AFF3: variants seen among roughly 807,000 people sequenced by gnomAD.
The protein encoded by AFF3 is ALF transcription elongation factor 3.
AFF3 carries 32 observed loss-of-function variants against 129.7 expected under a neutral mutation model. That is an observed-to-expected ratio of 0.25 (90% CI 0.19 to 0.33). AFF3 has a LOEUF of 0.33. Among genes scored for constraint, AFF3 ranks in the 10% least tolerant of loss-of-function variants. The pLI is 1.00. For missense variants in AFF3, 1,373 were observed against 1,592.0 expected (o/e 0.86, Z 2.34); for synonymous variants, 644 against 635.4 (o/e 1.01, Z -0.20).
chr2:99,881,480 GA>G (rs1387914512), intron 7 of AFF3, among the ~76,000 whole-genome samples: 1 of 146,412 alleles, frequency 6.8e-6, no homozygotes, highest in African/African-American at 2.5e-5. Flanking sequence ...TTTTTTCATT[GA>G]AAAAAAGCCC....
At chr2:99,870,689 A>C (rs1179687843) in intron 7 of AFF3, among the ~76,000 whole-genome samples, 1 of 152,220 alleles carries the variant, frequency 6.6e-6, no homozygotes, top group Non-Finnish European at 1.5e-5. Context: ...GCACTTTGTA[A>C]CCATCTTGGA....
rs187207267 is a variant in AFF3, at chr2:99,846,022, C to T, written c.874-8498G>A. Among the ~76,000 whole-genome samples the T allele has an allele frequency of 5.5e-3, 831 of 151,682 alleles. 6 individuals are homozygous for T. The highest frequency in any genetic ancestry group is 0.019 in the African/African-American group (801 of 41,294). On this transcript the variant is annotated intron_variant, in intron 7 of 24. Coordinates refer to ENST00000672756, the MANE Select transcript of AFF3 (RefSeq NM_001386135.1). The stretch of plus-strand genomic sequence containing the variant: ...TAATTTTTTGTATTTTTAGTAGAGA[C>T]GGGGTTTCACCACGTTAGCCAGGAT...
intron 12 of AFF3, 83 bp from the exon 13 acceptor site, chr2:99,649,749 C>T (rs1255972236): frequency 2.0e-6 from 3 of 1,498,604 alleles, no homozygotes; most frequent in Non-Finnish European, 1.8e-6. Context: ...AAAAAAAGAC[C>T]CCTGCATTAC....
intron 7 of AFF3, among the ~76,000 whole-genome samples, chr2:99,972,066 C>G (rs1576457544): frequency 6.6e-6 from 1 of 152,206 alleles, no homozygotes; most frequent in African/African-American, 2.4e-5. Context: ...CTAGGGCCAG[C>G]TGACCATCTG....
In AFF3 at chr2:100,005,797, G is replaced by GCAA. The variant is rs542768859; in HGVS notation, c.873+832_873+834dup. Among the ~76,000 whole-genome samples the GCAA allele has an allele frequency of 4.3e-3, 652 of 152,256 alleles. 14 individuals carry two copies. Among genetic ancestry groups the GCAA allele is most frequent in the Non-Finnish European group, 1.1e-3 (78 of 68,012 alleles). On this transcript the variant is annotated intron_variant, in intron 7 of 24. Coordinates refer to ENST00000672756, the MANE Select transcript of AFF3 (RefSeq NM_001386135.1). Reference sequence around the variant, plus strand: ...GTTTAAGCTCAGCCTTGTCAAAAATGCAACAACAAATGTCAAATCATTGCT... The same window carrying GCAA: ...GTTTAAGCTCAGCCTTGTCAAAAATGCAACAACAACAAATGTCAAATCATTGCT...
chr2:99,680,703 G>T (rs938361013), intron 11 of AFF3, among the ~76,000 whole-genome samples: 1 of 152,180 alleles, frequency 6.6e-6, no homozygotes, highest in Non-Finnish European at 1.5e-5. Context: ...ATCTGTAAGG[G>T]TCATAACATA....
At chr2:99,801,472 A>C (rs1034662416) in intron 8 of AFF3, among the ~76,000 whole-genome samples, 2 of 152,208 alleles carry the variant, frequency 1.3e-5, no homozygotes, top group African/African-American at 4.8e-5. Context: ...AGCCAATAGC[A>C]CTACTGATTG....
At chr2:99,910,432 T>C (rs985638450) in intron 7 of AFF3, among the ~76,000 whole-genome samples, 2 of 152,222 alleles carry the variant, frequency 1.3e-5, no homozygotes, top group African/African-American at 4.8e-5. Context: ...AGGATACAAA[T>C]ATGTTCTTCC....
At chr2:99,641,122 C>G (rs930589706) in intron 13 of AFF3, among the ~76,000 whole-genome samples, 1 of 152,184 alleles carries the variant, frequency 6.6e-6, no homozygotes, top group Non-Finnish European at 1.5e-5. Flanking sequence ...CCTGGGTCAC[C>G]CGATGCTTCC....
intron 7 of AFF3, among the ~76,000 whole-genome samples, chr2:99,972,559 C>A (rs1188136313): frequency 6.6e-6 from 1 of 152,204 alleles, no homozygotes; most frequent in African/African-American, 2.4e-5. Flanking sequence ...TTAGTTCATT[C>A]ATTTGACACA....
At chr2:99,615,114 T>C (rs1681286818) in intron 13 of AFF3, among the ~76,000 whole-genome samples, 1 of 152,264 alleles carries the variant, frequency 6.6e-6, no homozygotes, top group African/African-American at 2.4e-5. Context: ...CAGAGCCCTC[T>C]AGCCTGTCCT....
At chr2:99,721,863 CAG>C (rs1678919984) in intron 11 of AFF3, among the ~76,000 whole-genome samples, 1 of 152,078 alleles carries the variant, frequency 6.6e-6, no homozygotes, top group Non-Finnish European at 1.5e-5. Flanking sequence ...GATATTTTTT[CAG>C]GTCTATTTTG....
At chr2:99,994,688 G>T (rs1232715797) in intron 7 of AFF3, among the ~76,000 whole-genome samples, 3 of 152,162 alleles carry the variant, frequency 2.0e-5, no homozygotes, top group African/African-American at 7.2e-5. Flanking sequence ...AAGACAGAAA[G>T]GTATGAAAGA....
At chr2:100,110,666 T>G (rs560398301) in intron 2 of AFF3, among the ~76,000 whole-genome samples, 2 of 152,350 alleles carry the variant, frequency 1.3e-5, no homozygotes, top group South Asian at 4.1e-4. Context: ...CTCAGAGTCC[T>G]GCTGGGGGTC....
chr2:99,973,420 C>T lies in AFF3; in HGVS notation c.873+33212G>A, dbSNP rs370016449. 7.0e-4 allele frequency among the ~76,000 whole-genome samples: 106 copies of T among 152,326 alleles called. No homozygotes were observed. The South Asian group carries it at 0.021, about 30-fold the overall frequency. ...GATAAGCAAGTCGTTCTACTGGCTC[C>T]ACTTTCCCACCACCTAAGTCAATTC... On this transcript the variant is annotated intron_variant, in intron 7 of 24. Transcript: ENST00000672756.
chr2:99,721,026 A>T (rs937316413), intron 11 of AFF3, among the ~76,000 whole-genome samples: 5 of 152,178 alleles, frequency 3.3e-5, no homozygotes, highest in Admixed American at 6.5e-5. Flanking sequence ...TACATTAATT[A>T]AAAAAAGATT....
At chr2:99,811,833 A>G (rs1407281446) in intron 8 of AFF3, among the ~76,000 whole-genome samples, 3 of 152,264 alleles carry the variant, frequency 2.0e-5, no homozygotes, top group African/African-American at 4.8e-5. Context: ...TTATGTCTGC[A>G]TATTTTCTTT....
At chr2:99,555,656 C>T (rs1372397500) in intron 22 of AFF3, among the ~76,000 whole-genome samples, 2 of 152,184 alleles carry the variant, frequency 1.3e-5, no homozygotes, top group African/African-American at 2.4e-5. Flanking sequence ...AGGGAGAAAG[C>T]GGTCTTTGTG....
intron 11 of AFF3, among the ~76,000 whole-genome samples, chr2:99,696,926 G>C (rs911987792): frequency 1.3e-5 from 2 of 152,230 alleles, no homozygotes; most frequent in African/African-American, 4.8e-5. Context: ...GGTTACAGAT[G>C]TGAACCAGCA....
Sources: allele counts gnomAD v4.1 joint callset (sites outside exome capture counted in the v4.1 genomes callset), GRCh38; gene constraint gnomAD v4.1.1; transcripts MANE v1.5; gene names NCBI Gene and HGNC (gene_info 2026-07-23, HGNC 2026-07-21).